Variants in KALRN observed in about 807,000 individuals in gnomAD.
The protein encoded by KALRN is kalirin RhoGEF kinase, also known as kalirin.
KALRN carries 70 observed loss-of-function variants against 353.7 expected under a neutral mutation model. That is an observed-to-expected ratio of 0.20 (90% confidence interval 0.16 to 0.24). The LOEUF is 0.24. KALRN is among the 10% of genes least tolerant of loss of function. The probability of loss-of-function intolerance (pLI) is 1.00; values close to 1 mark genes in which losing one functional copy is unlikely to be tolerated. For synonymous variants in KALRN, 1,391 were observed against 1,434.8 expected (o/e 0.97, Z 0.69); for missense variants, 2,791 against 3,756.7 (o/e 0.74, Z 6.72).
intron 1 of KALRN, among the ~76,000 whole-genome samples, chr3:124,142,609 C>T (rs1271258852): frequency 3.3e-5 from 5 of 152,126 alleles, no homozygotes; most frequent in Non-Finnish European, 5.9e-5. Flanking sequence ...CAGTATTCTG[C>T]CTAGCTCTGG....
chr3:124,530,287 G>T (rs2109135540), intron 33 of KALRN, among the ~76,000 whole-genome samples: 1 of 152,298 alleles, frequency 6.6e-6, no homozygotes, highest in Non-Finnish European at 1.5e-5. Context: ...ATACCATGTA[G>T]GATAGGAATA....
At chr3:124,286,119 C>CTT (rs1466619528) in intron 5 of KALRN, among the ~76,000 whole-genome samples, 1 of 146,300 alleles carries the variant, frequency 6.8e-6, no homozygotes, top group African/African-American at 2.6e-5. Context: ...TTCTTTCTTT[C>CTT]TTTCTTTCTT....
intron 34 of KALRN, among the ~76,000 whole-genome samples, chr3:124,582,810 C>T (rs6792792): frequency 0.17 from 25,021 of 151,404 alleles, 2,213 homozygotes; most frequent in Middle Eastern, 0.2. Context: ...ACTCTGTTGC[C>T]CAGGCTGGAG....
At chr3:124,686,135 C>CT (rs2061547493) in intron 51 of KALRN, among the ~76,000 whole-genome samples, 1 of 152,186 alleles carries the variant, frequency 6.6e-6, no homozygotes, top group African/African-American at 2.4e-5. Context: ...ACACAGCAAA[C>CT]TTTAAAACCT....
At chr3:124,609,663 C>A (rs1021830406) in intron 34 of KALRN, among the ~76,000 whole-genome samples, 7 of 152,194 alleles carry the variant, frequency 4.6e-5, no homozygotes, top group Non-Finnish European at 1.0e-4. Flanking sequence ...GCATTGCAGT[C>A]TGAGGATGAG....
intron 28 of KALRN, among the ~76,000 whole-genome samples, 183 bp from the exon 29 acceptor site, chr3:124,488,021 G>T (rs576220853): frequency 6.6e-4 from 101 of 152,274 alleles, no homozygotes; most frequent in African/African-American, 2.4e-3. Flanking sequence ...AATGCTCAGT[G>T]TGGGAGAAAA....
chr3:124,402,949 G>A (rs556366746), intron 13 of KALRN, among the ~76,000 whole-genome samples: 1 of 152,292 alleles, frequency 6.6e-6, no homozygotes, highest in African/African-American at 2.4e-5. Flanking sequence ...TCAAACTGCA[G>A]TTTCTTTGCA....
intron 1 of KALRN, among the ~76,000 whole-genome samples, chr3:124,201,623 G>A (rs2075952602): frequency 1.3e-5 from 2 of 152,148 alleles, no homozygotes; most frequent in African/African-American, 4.8e-5. Flanking sequence ...CTATGCTGTG[G>A]TCTGTACAGG....
chr3:124,645,784 G>A (rs1328285658), intron 37 of KALRN, among the ~76,000 whole-genome samples: 1 of 152,008 alleles, frequency 6.6e-6, no homozygotes, highest in Non-Finnish European at 1.5e-5. Flanking sequence ...GATGTCTTAA[G>A]AAAAGCTGAC....
At chr3:124,603,436 G>T (rs1379653923) in intron 34 of KALRN, among the ~76,000 whole-genome samples, 3 of 152,138 alleles carry the variant, frequency 2.0e-5, no homozygotes, top group African/African-American at 7.2e-5. Context: ...ACCTCTCCTT[G>T]TGGATTTTAC....
chr3:124,401,793 G>A (rs2090911786), intron 13 of KALRN, among the ~76,000 whole-genome samples: 1 of 152,130 alleles, frequency 6.6e-6, no homozygotes, highest in Non-Finnish European at 1.5e-5. Context: ...TGGAAATCCT[G>A]CCAAACCTAT....
intron 15 of KALRN, among the ~76,000 whole-genome samples, chr3:124,426,650 G>C (rs1341633792): frequency 6.6e-6 from 1 of 152,172 alleles, no homozygotes; most frequent in African/African-American, 2.4e-5. Flanking sequence ...AAGATAGATA[G>C]CCCAAACACC....
intron 33 of KALRN, chr3:124,518,395 A>G: frequency 6.2e-7 from 1 of 1,613,744 alleles, no homozygotes; most frequent in East Asian, 2.2e-5. Context: ...CCCTTTTCTT[A>G]ACAGGATGGC....
At chr3:124,189,184 T>G (rs2074599458) in intron 1 of KALRN, among the ~76,000 whole-genome samples, 1 of 152,154 alleles carries the variant, frequency 6.6e-6, no homozygotes. Flanking sequence ...TGGAGAACTG[T>G]CTCCCAACAT....
At chr3:124,264,822 G>A in intron 4 of KALRN, 132 bp downstream of exon 4, 1 of 764,614 alleles carries the variant, frequency 1.3e-6, no homozygotes, top group African/African-American at 1.7e-5. Flanking sequence ...GGATTCCTTG[G>A]CCGCCATGGC....
At chr3:124,392,779 ATTTTTTTTTAT>A (rs1278527809) in intron 11 of KALRN, among the ~76,000 whole-genome samples, 10 of 140,164 alleles carry the variant, frequency 7.1e-5, no homozygotes, top group South Asian at 2.3e-4. Context: ...TAATTTTTGT[ATTTTTTTTTAT>A]TTTTTTTTTA....
chr3:124,248,063 G>A (rs2070580961), intron 3 of KALRN, among the ~76,000 whole-genome samples: 1 of 152,360 alleles, frequency 6.6e-6, no homozygotes, highest in East Asian at 1.9e-4. Context: ...ATGGGGGTGA[G>A]TCCCATCCCT....
chr3:124,405,107 A>G (rs1413447627), intron 13 of KALRN, among the ~76,000 whole-genome samples: 1 of 152,226 alleles, frequency 6.6e-6, no homozygotes, highest in African/African-American at 2.4e-5. Flanking sequence ...TAATCCTCAC[A>G]AAATATTTAT....
chr3:124,330,044 G>T lies in KALRN; in HGVS notation c.1416+52G>T, dbSNP rs568735210. 3.8e-6 allele frequency: 6 copies of T among 1,593,636 alleles called. No homozygotes were observed. In the East Asian group the frequency reaches 1.3e-4, roughly 36 times the overall value. ...TTCTTGGGCATGTCTGCATGTGGGT[G>T]GGTGATGAGGGCACTGGCCTGTGCC... On this transcript the variant is annotated intron_variant, in intron 8 of 59. Transcript: ENST00000682506.
Sources: gnomAD v4.1 joint callset for allele counts (sites outside exome capture counted in the v4.1 genomes callset) on GRCh38, gnomAD v4.1.1 for gene constraint, MANE v1.5 for transcripts, NCBI Gene and HGNC (gene_info 2026-07-23, HGNC 2026-07-21) for gene names.